DOCK1: variants seen among roughly 807,000 people sequenced by gnomAD.
DOCK1 encodes the protein dedicator of cytokinesis protein 1.
A neutral mutation model predicts 262.7 loss-of-function variants in DOCK1; 138 were observed. The observed-to-expected ratio is 0.53, with a 90% confidence interval of 0.46 to 0.61. The LOEUF is 0.61. DOCK1 is among the 20% of genes least tolerant of loss of function. DOCK1 has a pLI of 0.00. For missense variants in DOCK1, 1,908 were observed against 2,370.7 expected (o/e 0.80, Z 4.05); for synonymous variants, 866 against 867.4 (o/e 1.00, Z 0.03).
intron 50 of DOCK1, among the ~76,000 whole-genome samples, chr10:127,445,368 G>GA (rs2070468724): frequency 6.6e-6 from 1 of 152,182 alleles, no homozygotes; most frequent in African/African-American, 2.4e-5. Flanking sequence ...GCTGAAAGGG[G>GA]AGCAGTCATG....
chr10:127,224,683 A>G (rs1480344198), intron 27 of DOCK1, among the ~76,000 whole-genome samples: 1 of 151,974 alleles, frequency 6.6e-6, no homozygotes, highest in Non-Finnish European at 1.5e-5. Flanking sequence ...TCACACCCCT[A>G]TACTTTAGCC....
chr10:127,060,263 G>A (rs2045443053), intron 22 of DOCK1, among the ~76,000 whole-genome samples: 1 of 152,080 alleles, frequency 6.6e-6, no homozygotes, highest in Admixed American at 6.5e-5. Flanking sequence ...GGCTCCCGAA[G>A]GGTTGCACCA....
At chr10:127,289,157 AAC>A (rs1053477848) in intron 29 of DOCK1, among the ~76,000 whole-genome samples, 4 of 152,130 alleles carry the variant, frequency 2.6e-5, no homozygotes, top group Non-Finnish European at 1.5e-5. Context: ...ACACCACACA[AAC>A]ACGCACACAC....
chr10:127,003,358 C>T (rs547628369), intron 10 of DOCK1, among the ~76,000 whole-genome samples: 31 of 152,050 alleles, frequency 2.0e-4, no homozygotes, highest in African/African-American at 6.0e-4. Flanking sequence ...CATGAACCTG[C>T]GTGAACCTGT....
chr10:127,129,454 CCTTTT>C (rs1306397118), intron 27 of DOCK1, among the ~76,000 whole-genome samples: 8 of 152,154 alleles, frequency 5.3e-5, no homozygotes, highest in Admixed American at 5.2e-4. Flanking sequence ...AATTTGCCTG[CCTTTT>C]CTTATTCTCC....
intron 1 of DOCK1, among the ~76,000 whole-genome samples, chr10:126,928,124 A>G (rs1237150774): frequency 1.3e-5 from 2 of 152,360 alleles, no homozygotes; most frequent in African/African-American, 4.8e-5. Context: ...AGAAGCTGAA[A>G]AAATGAAACA....
rs149887541 is a variant in DOCK1, at chr10:127,103,650, G to T, written c.2446-2581G>T. On this transcript the variant is annotated intron_variant, in intron 23 of 51. Coordinates refer to ENST00000623213, the MANE Select transcript of DOCK1 (RefSeq NM_001290223.2). Reference sequence around the variant, plus strand: ...GGAACGTTGGGGATGCAGATGACCAGTATCTAGTGCTGCGTGACTTTGGAT... The same window carrying T: ...GGAACGTTGGGGATGCAGATGACCATTATCTAGTGCTGCGTGACTTTGGAT... Among the ~76,000 whole-genome samples the T allele has an allele frequency of 1.8e-4, 28 of 152,354 alleles. No homozygotes were observed. The East Asian group carries it at 4.4e-3, about 24-fold the overall frequency.
intron 33 of DOCK1, among the ~76,000 whole-genome samples, chr10:127,369,223 T>C (rs2065081916): frequency 6.6e-6 from 1 of 152,236 alleles, no homozygotes; most frequent in African/African-American, 2.4e-5. Context: ...GTAATATGAA[T>C]GTGAATGAGT....
chr10:127,201,269 G>A (rs1354031143), intron 27 of DOCK1, among the ~76,000 whole-genome samples: 1 of 152,108 alleles, frequency 6.6e-6, no homozygotes, highest in Non-Finnish European at 1.5e-5. Flanking sequence ...CTTATTTCTG[G>A]TTTAAGACTC....
Position 127,444,150 on chromosome 10 carries a change from C to T in DOCK1, c.5284C>T (p.Pro1762Ser). The T allele has an allele frequency of 6.3e-7, 1 of 1,576,866 alleles. No individual in the cohort carries two copies. The highest frequency in any genetic ancestry group is 8.6e-7 in the Non-Finnish European group (1 of 1,161,792). ...ETISPLRPQR[P>S]KSQVMNVIGS... ...GATAAGTCCCCTGCGGCCCCAGAGA[C>T]CGAAGAGCCAGGTGATGAACGTCAT... Residue 1762 changes from proline (P) to serine (S), a missense_variant, in exon 50 of 52, where the codon CCG (proline) becomes TCG (serine). Transcript: ENST00000623213.
intron 29 of DOCK1, among the ~76,000 whole-genome samples, chr10:127,287,371 G>A (rs2061195449): frequency 6.6e-6 from 1 of 151,596 alleles, no homozygotes; most frequent in African/African-American, 2.4e-5. Flanking sequence ...TAGTTTTTTT[G>A]TATAGCTGCA....
chr10:127,355,429 G>C (rs538927335), intron 32 of DOCK1, among the ~76,000 whole-genome samples: 28 of 152,240 alleles, frequency 1.8e-4, no homozygotes, highest in African/African-American at 6.0e-4. Flanking sequence ...TTGAGATGAA[G>C]CTCTCTCTGG....
intron 1 of DOCK1, among the ~76,000 whole-genome samples, chr10:126,948,795 G>T (rs1462159498): frequency 3.9e-5 from 6 of 151,970 alleles, no homozygotes; most frequent in African/African-American, 1.2e-4. Flanking sequence ...TGATCCTTTG[G>T]GCTGGATTTT....
chr10:127,017,035 CCACACACA>C (rs147295824), intron 12 of DOCK1, among the ~76,000 whole-genome samples: 5 of 108,534 alleles, frequency 4.6e-5, no homozygotes, highest in South Asian at 3.2e-4. Context: ...GATACAGATA[CCACACACA>C]CACACACACA....
chr10:127,263,646 T>A (rs1008670073), intron 29 of DOCK1, among the ~76,000 whole-genome samples: 2 of 152,234 alleles, frequency 1.3e-5, no homozygotes, highest in African/African-American at 4.8e-5. Flanking sequence ...GCTCTCAGGT[T>A]CTGTTGGAAG....
At chr10:127,049,404 C>G (rs557695260) in intron 21 of DOCK1, among the ~76,000 whole-genome samples, 1 of 152,072 alleles carries the variant, frequency 6.6e-6, no homozygotes, top group Admixed American at 6.5e-5. Context: ...ACCTGTAATC[C>G]CAGCTACTTG....
intron 27 of DOCK1, among the ~76,000 whole-genome samples, chr10:127,202,517 A>G (rs1009293121): frequency 1.3e-5 from 2 of 151,998 alleles, no homozygotes; most frequent in Non-Finnish European, 2.9e-5. Context: ...TGGGGGGTGT[A>G]GGAACTTCCT....
intron 4 of DOCK1, among the ~76,000 whole-genome samples, chr10:126,985,105 C>G (rs746683519): frequency 6.6e-6 from 1 of 151,618 alleles, no homozygotes; most frequent in Non-Finnish European, 1.5e-5. Flanking sequence ...CTCAGCCTCC[C>G]AAGTAGCTGG....
chr10:127,240,084 C>T (rs557187524), intron 27 of DOCK1, among the ~76,000 whole-genome samples: 1 of 151,930 alleles, frequency 6.6e-6, no homozygotes, highest in Non-Finnish European at 1.5e-5. Context: ...AAAATGAAAT[C>T]GATTTTGTTT....
Sources: allele counts gnomAD v4.1 joint callset (sites outside exome capture counted in the v4.1 genomes callset), GRCh38; gene constraint gnomAD v4.1.1; transcripts MANE v1.5; gene names NCBI Gene and HGNC (gene_info 2026-07-23, HGNC 2026-07-21).